The following FTCDNL1 variants were observed in gnomAD, a reference collection of about 807,000 sequenced individuals.
The protein encoded by FTCDNL1 is formiminotransferase N-terminal subdomain-containing protein.
A neutral mutation model predicts 5.9 loss-of-function variants in FTCDNL1; 11 were observed. The observed-to-expected ratio is 1.87, with a 90% confidence interval of 1.18 to 3.10. FTCDNL1 has a LOEUF of 3.10. Among genes scored for constraint, FTCDNL1 ranks in the 30% most tolerant of loss-of-function variants. The pLI, the probability that FTCDNL1 is intolerant of heterozygous loss-of-function variation, is 0.00. For missense variants in FTCDNL1, 115 were observed against 65.5 expected, an observed-to-expected ratio of 1.76 and a Z score of -2.61; for synonymous variants, 58 against 24.8, an observed-to-expected ratio of 2.34 and a Z score of -3.99.
At chr2:199,772,733 T>C (rs150631518) in intron 3 of FTCDNL1, among the ~76,000 whole-genome samples, 2 of 152,328 alleles carry the variant, frequency 1.3e-5, no homozygotes, top group South Asian at 2.1e-4. Context: ...TCAGATTATA[T>C]TATCACAGAA....
the FTCDNL1 span, among the ~76,000 whole-genome samples, chr2:199,749,478 C>T: frequency 2.0e-5 from 3 of 152,012 alleles, no homozygotes; most frequent in Non-Finnish European, 4.4e-5. Context: ...TTTTGATCAT[C>T]TTTGCAAATG....
the FTCDNL1 span, among the ~76,000 whole-genome samples, chr2:199,696,414 G>A: frequency 3.9e-5 from 6 of 152,130 alleles, no homozygotes; most frequent in Non-Finnish European, 5.9e-5. Context: ...TGTTGTTGCC[G>A]GCAGACTGGG....
chr2:199,718,884 T>A, the FTCDNL1 span, among the ~76,000 whole-genome samples: 3 of 152,018 alleles, frequency 2.0e-5, no homozygotes, highest in African/African-American at 7.2e-5. Flanking sequence ...TTTTTAATGA[T>A]TTTTTTTATT....
the FTCDNL1 span, among the ~76,000 whole-genome samples, chr2:199,743,041 G>A: frequency 1.2e-4 from 18 of 152,204 alleles, no homozygotes; most frequent in Non-Finnish European, 2.4e-4. Context: ...GCCAGCTGGA[G>A]GCTAATCTCC....
chr2:199,807,018 C>T (rs1296039763), downstream of FTCDNL1, among the ~76,000 whole-genome samples: 4 of 152,198 alleles, frequency 2.6e-5, no homozygotes, highest in Non-Finnish European at 5.9e-5. Flanking sequence ...AAAACAAATA[C>T]TGATGAAACA....
the FTCDNL1 span, among the ~76,000 whole-genome samples, chr2:199,746,835 A>G: frequency 1.3e-5 from 2 of 151,936 alleles, no homozygotes; most frequent in Non-Finnish European, 2.9e-5. Flanking sequence ...CATTATAATT[A>G]AAGATGAGAG....
At chr2:199,728,557 T>C in the FTCDNL1 span, among the ~76,000 whole-genome samples, 263 of 152,242 alleles carry the variant, frequency 1.7e-3, no homozygotes, top group African/African-American at 6.0e-3. Context: ...CTGGTAACAA[T>C]GTTTCTAAGG....
chr2:199,823,332 TC>T (rs35479206), intron 3 of FTCDNL1, among the ~76,000 whole-genome samples: 1 of 151,756 alleles, frequency 6.6e-6, no homozygotes, highest in Non-Finnish European at 1.5e-5. Context: ...TACTTTGACT[TC>T]CCCCCAAGAA....
At chr2:199,807,659 A>G (rs1313907713), downstream of FTCDNL1, among the ~76,000 whole-genome samples, 1 of 152,226 alleles carries the variant, frequency 6.6e-6, no homozygotes, top group Non-Finnish European at 1.5e-5. Context: ...TTATTTATTT[A>G]TAATAAAAAT....
chr2:199,786,727 G>A (rs901653785), intron 3 of FTCDNL1, among the ~76,000 whole-genome samples: 4 of 152,128 alleles, frequency 2.6e-5, no homozygotes, highest in African/African-American at 4.8e-5. Context: ...GTTAGCCGGC[G>A]ATCAGTGTTG....
At chr2:199,726,773 C>T in the FTCDNL1 span, among the ~76,000 whole-genome samples, 1 of 152,204 alleles carries the variant, frequency 6.6e-6, no homozygotes, top group South Asian at 2.1e-4. Context: ...AGATGGCTTC[C>T]TTGTCCTTCC....
the FTCDNL1 span, among the ~76,000 whole-genome samples, chr2:199,749,686 G>C: frequency 3.3e-5 from 5 of 152,168 alleles, no homozygotes; most frequent in Non-Finnish European, 7.3e-5. Flanking sequence ...GAAGGTGCAT[G>C]TTTTCGTAGT....
the FTCDNL1 span, among the ~76,000 whole-genome samples, chr2:199,753,199 T>C: frequency 1.1e-4 from 16 of 152,170 alleles, no homozygotes; most frequent in Admixed American, 1.0e-3. Flanking sequence ...TATAAGGTTA[T>C]AAGAGGTATA....
chr2:199,728,843 A>G, the FTCDNL1 span, among the ~76,000 whole-genome samples: 1 of 152,248 alleles, frequency 6.6e-6, no homozygotes, highest in Non-Finnish European at 1.5e-5. Context: ...CAGAATGACA[A>G]TAAATGAACA....
chr2:199,792,298 T>TC (rs1436353232), intron 3 of FTCDNL1, among the ~76,000 whole-genome samples: 2 of 152,186 alleles, frequency 1.3e-5, no homozygotes, highest in Non-Finnish European at 2.9e-5. Flanking sequence ...TTAAAGTACA[T>TC]TGAACGTTAT....
the FTCDNL1 span, among the ~76,000 whole-genome samples, chr2:199,753,119 A>T: frequency 6.6e-6 from 1 of 152,190 alleles, no homozygotes; most frequent in Non-Finnish European, 1.5e-5. Context: ...TAATTCAGCA[A>T]TTAAATAAAG....
chr2:199,734,546 A>T, the FTCDNL1 span, among the ~76,000 whole-genome samples: 3 of 152,198 alleles, frequency 2.0e-5, no homozygotes, highest in Admixed American at 2.0e-4. Flanking sequence ...TTATCTTTAA[A>T]TATCTTTAAA....
At chr2:199,827,146 C>CA (rs1702086056) in intron 3 of FTCDNL1, among the ~76,000 whole-genome samples, 1 of 152,012 alleles carries the variant, frequency 6.6e-6, no homozygotes. Flanking sequence ...GAATTCCTGC[C>CA]AAAAAAATTA....
the FTCDNL1 span, among the ~76,000 whole-genome samples, chr2:199,683,005 C>T: frequency 7.9e-5 from 12 of 152,072 alleles, no homozygotes; most frequent in African/African-American, 2.9e-4. Context: ...ATTTGGAGAC[C>T]CCATTCTATA....
Sources: allele counts gnomAD v4.1 joint callset (sites outside exome capture counted in the v4.1 genomes callset), GRCh38; gene constraint gnomAD v4.1.1; transcripts MANE v1.5; gene names NCBI Gene and HGNC (gene_info 2026-07-23, HGNC 2026-07-21).